Variants in ZC2HC1A observed in about 807,000 individuals in gnomAD.
ZC2HC1A encodes the protein zinc finger C2HC-type containing 1A.
In ZC2HC1A, 28 loss-of-function variants were observed where a neutral mutation model predicts 40.7. That is an observed-to-expected ratio of 0.69 (90% CI 0.51 to 0.94). The LOEUF (loss-of-function observed/expected upper bound fraction) is 0.94, where lower values mean the gene tolerates loss of function less well. ZC2HC1A is among the 40% of genes least tolerant of loss of function. The probability of loss-of-function intolerance (pLI) is 0.00; values close to 1 mark genes in which losing one functional copy is unlikely to be tolerated. For missense variants in ZC2HC1A, 389 were observed against 386.3 expected (o/e 1.01, Z -0.06); for synonymous variants, 129 against 129.2 (o/e 1.00, Z 0.01).
At position 78,675,947 on chromosome 8, in the gene ZC2HC1A, T is replaced by C. The variant is rs140492243; in HGVS notation, c.93+84T>C. On this transcript the variant is annotated intron_variant, in intron 2 of 8. Coordinates refer to ENST00000263849, the MANE Select transcript of ZC2HC1A (RefSeq NM_016010.3). ...CTGGTCAATTCTCATGGGAAGAATTTACGTGGAATAGTTTTTGAAGAGTTA... is the reference window on the plus strand; with the variant it reads ...CTGGTCAATTCTCATGGGAAGAATTCACGTGGAATAGTTTTTGAAGAGTTA... 2,179 of 1,206,432 alleles carry C rather than the reference T, an allele frequency of 1.8e-3. 37 individuals carry two copies. In the African/African-American group the frequency reaches 0.029, roughly 16 times the overall value. 74.7% of individuals were successfully genotyped at this position (1,206,432 alleles called of 1,614,324 possible).
At chr8:78,712,376 T>G (rs1263198036) in intron 7 of ZC2HC1A, among the ~76,000 whole-genome samples, 3 of 152,112 alleles carry the variant, frequency 2.0e-5, no homozygotes, top group Non-Finnish European at 4.4e-5. Flanking sequence ...CATTTAATAA[T>G]TATTTTTATG....
chr8:78,701,266 A>G (rs1810594167), intron 7 of ZC2HC1A, among the ~76,000 whole-genome samples: 1 of 152,060 alleles, frequency 6.6e-6, no homozygotes, highest in African/African-American at 2.4e-5. Context: ...TGTGAATGGG[A>G]GTTTGTTCCT....
At chr8:78,715,842 C>T (rs1292194392) in intron 8 of ZC2HC1A, among the ~76,000 whole-genome samples, 8 of 151,824 alleles carry the variant, frequency 5.3e-5, no homozygotes, top group Non-Finnish European at 1.5e-5. Context: ...GAGTTTGAGA[C>T]TAGCCTGGCC....
intron 7 of ZC2HC1A, 88 bp downstream of exon 7, chr8:78,698,601 A>G: frequency 3.0e-6 from 3 of 988,024 alleles, no homozygotes; most frequent in Admixed American, 6.1e-5. Flanking sequence ...TTTTTCATTC[A>G]TCTTCATTTC....
intron 7 of ZC2HC1A, among the ~76,000 whole-genome samples, chr8:78,705,610 T>C (rs1810747279): frequency 6.6e-6 from 1 of 152,120 alleles, no homozygotes; most frequent in Non-Finnish European, 1.5e-5. Context: ...GGGACCACTG[T>C]GGTGTGCTGT....
chr8:78,689,454 C>T (rs1018236895), intron 5 of ZC2HC1A, 81 bp downstream of exon 5: 4 of 1,311,682 alleles, frequency 3.0e-6, no homozygotes, highest in East Asian at 2.7e-5. Flanking sequence ...CTTTTCATGA[C>T]ATTAGACTAT....
intron 5 of ZC2HC1A, among the ~76,000 whole-genome samples, chr8:78,694,229 G>C (rs1224497747): frequency 6.7e-6 from 1 of 149,224 alleles, no homozygotes; most frequent in Non-Finnish European, 1.5e-5. Context: ...ATAGTTGTTT[G>C]TAATGTGTGT....
chr8:78,674,074 TAGG>T (rs1216976024), intron 1 of ZC2HC1A, among the ~76,000 whole-genome samples: 2 of 152,116 alleles, frequency 1.3e-5, no homozygotes, highest in Non-Finnish European at 2.9e-5. Context: ...GTATGAAAAA[TAGG>T]AGTTGATTTG....
chr8:78,690,034 T>C (rs1586000432), intron 5 of ZC2HC1A, among the ~76,000 whole-genome samples: 1 of 152,220 alleles, frequency 6.6e-6, no homozygotes, highest in Non-Finnish European at 1.5e-5. Flanking sequence ...TTCTATTGTT[T>C]TAGCACGATT....
At chr8:78,712,626 C>G (rs939528791) in intron 7 of ZC2HC1A, among the ~76,000 whole-genome samples, 3 of 152,074 alleles carry the variant, frequency 2.0e-5, no homozygotes, top group Non-Finnish European at 4.4e-5. Flanking sequence ...AAAAGTATGA[C>G]ACTGCCAAAG....
intron 1 of ZC2HC1A, among the ~76,000 whole-genome samples, chr8:78,667,067 A>T (rs1306142877): frequency 6.6e-6 from 1 of 152,218 alleles, no homozygotes; most frequent in East Asian, 1.9e-4. Context: ...CTCCTAGTTT[A>T]CACGGATTCA....
chr8:78,715,097 G>T, intron 7 of ZC2HC1A, 124 bp from the exon 8 acceptor site: 3 of 761,150 alleles, frequency 3.9e-6, no homozygotes, highest in Non-Finnish European at 4.0e-6. Flanking sequence ...ATAATTATTG[G>T]GACTTTAATC....
intron 2 of ZC2HC1A, among the ~76,000 whole-genome samples, chr8:78,677,292 C>CA (rs1226978736): frequency 1.3e-5 from 2 of 151,890 alleles, no homozygotes; most frequent in Non-Finnish European, 2.9e-5. Flanking sequence ...TCATTTAAGA[C>CA]AGCTTCCATT....
intron 6 of ZC2HC1A, 61 bp downstream of exon 6, chr8:78,697,567 T>C: frequency 8.1e-7 from 1 of 1,240,928 alleles, no homozygotes; most frequent in Non-Finnish European, 1.2e-6. Flanking sequence ...GAGCAGGAAA[T>C]AAAGATAGTG....
At chr8:78,712,463 G>A (rs1295004481) in intron 7 of ZC2HC1A, among the ~76,000 whole-genome samples, 1 of 151,956 alleles carries the variant, frequency 6.6e-6, no homozygotes, top group Non-Finnish European at 1.5e-5. Flanking sequence ...ATAATGTCTT[G>A]TACAGTATAT....
chr8:78,681,105 A>C (rs1207289562), intron 3 of ZC2HC1A, among the ~76,000 whole-genome samples: 2 of 151,310 alleles, frequency 1.3e-5, no homozygotes, highest in Non-Finnish European at 2.9e-5. Flanking sequence ...TTCTCATAGG[A>C]TCTGAGGGAA....
chr8:78,707,031 T>G (rs1163784162), intron 7 of ZC2HC1A, among the ~76,000 whole-genome samples: 3 of 152,222 alleles, frequency 2.0e-5, no homozygotes, highest in Admixed American at 1.3e-4. Context: ...CTTTTAGTGG[T>G]AAGAAACTGA....
chr8:78,666,116 A>G lies in ZC2HC1A; in HGVS notation c.-33A>G. ...AGCTGGGCGGTGGCGGGCGCTGCTG[A>G]AGGAGTCTCGCTGAGCTCGAGGAGG... On this transcript the variant is annotated 5_prime_UTR_variant, in exon 1 of 9. Coordinates refer to ENST00000263849, the MANE Select transcript of ZC2HC1A (RefSeq NM_016010.3). The G allele has an allele frequency of 6.4e-7, 1 of 1,561,610 alleles. No individual in the cohort carries two copies. Among genetic ancestry groups the G allele is most frequent in the Middle Eastern group, 1.7e-4 (1 of 5,846 alleles).
At chr8:78,691,247 CTTTAGTTTTGCCAGCTTTTAA>C (rs140863395) in intron 5 of ZC2HC1A, among the ~76,000 whole-genome samples, 5,622 of 152,160 alleles carry the variant, frequency 0.037, 316 homozygotes, top group African/African-American at 0.13. Context: ...TTACATTTCT[CTTTAGTTTTGCCAGCTTTTAA>C]TTCAAAATTT....
Sources: gnomAD v4.1 joint callset for allele counts (sites outside exome capture counted in the v4.1 genomes callset) on GRCh38, gnomAD v4.1.1 for gene constraint, MANE v1.5 for transcripts, NCBI Gene and HGNC (gene_info 2026-07-23, HGNC 2026-07-21) for gene names.